ZDHHC6: variants seen among roughly 807,000 people sequenced by gnomAD.
ZDHHC6 encodes palmitoyltransferase ZDHHC6.
Under a neutral mutation model 57.8 loss-of-function variants are expected in ZDHHC6, and 32 were observed. The observed-to-expected ratio is 0.55, with a 90% confidence interval of 0.42 to 0.74. ZDHHC6 has a LOEUF of 0.74. Ranked by LOEUF, ZDHHC6 falls within the 30% of genes least tolerant of loss-of-function variation. The pLI is 0.00. For synonymous variants in ZDHHC6, 128 were observed against 158.0 expected (o/e 0.81, Z 1.42); for missense variants, 433 against 500.7 (o/e 0.86, Z 1.29).
chr10:112,440,178 GA>G (rs1845973260), intron 5 of ZDHHC6, among the ~76,000 whole-genome samples: 1 of 151,442 alleles, frequency 6.6e-6, no homozygotes, highest in Non-Finnish European at 1.5e-5. Flanking sequence ...TAACCTTTTT[GA>G]GAATCAATGA....
chr10:112,427,465 C>T (rs937462409), downstream of ZDHHC6: 4 of 1,069,266 alleles, frequency 3.7e-6, no homozygotes, highest in South Asian at 2.0e-5. Flanking sequence ...TTTTTTTAAC[C>T]TGTTAAACTC....
intron 10 of ZDHHC6, among the ~76,000 whole-genome samples, chr10:112,431,248 TC>T (rs1408155228): frequency 6.6e-6 from 1 of 152,184 alleles, no homozygotes; most frequent in African/African-American, 2.4e-5. Context: ...CACTGTCTTT[TC>T]CAGGGAACTA....
intron 2 of ZDHHC6, among the ~76,000 whole-genome samples, chr10:112,444,100 T>C (rs1384023623): frequency 3.9e-5 from 6 of 152,186 alleles, no homozygotes; most frequent in African/African-American, 1.4e-4. Flanking sequence ...ATTCCTATAA[T>C]ACACCTCTGA....
chr10:112,429,708 A>T (rs1339206273), downstream of ZDHHC6, among the ~76,000 whole-genome samples: 1 of 152,206 alleles, frequency 6.6e-6, no homozygotes, highest in Non-Finnish European at 1.5e-5. Context: ...TTTTTACTCA[A>T]GGGTACATGA....
At chr10:112,425,658 A>C (rs760059329), downstream of ZDHHC6, 94 of 558,428 alleles carry the variant, frequency 1.7e-4, no homozygotes, top group Non-Finnish European at 2.5e-4. Flanking sequence ...CAATTTAAAA[A>C]ATTTCAAAAC....
upstream of ZDHHC6, chr10:112,447,170 T>C (rs563250452): frequency 3.7e-6 from 2 of 541,320 alleles, no homozygotes; most frequent in East Asian, 2.8e-5. Flanking sequence ...GAGCGGAAAA[T>C]AAAGCACGCA....
upstream of ZDHHC6, chr10:112,447,073 C>A: frequency 2.5e-6 from 1 of 399,588 alleles, no homozygotes; most frequent in East Asian, 3.8e-5. Context: ...AATGATCCCT[C>A]AGAACTTGCA....
chr10:112,428,382 G>A (rs1269788537), downstream of ZDHHC6: 15 of 398,416 alleles, frequency 3.8e-5, no homozygotes, highest in East Asian at 2.5e-4. Context: ...AGATACTTAC[G>A]TTGTGGTGTT....
chr10:112,444,554 T>A (rs910058013), intron 2 of ZDHHC6, among the ~76,000 whole-genome samples: 2 of 152,208 alleles, frequency 1.3e-5, no homozygotes, highest in Admixed American at 1.3e-4. Context: ...TACCTAAGCA[T>A]CACCTGGGCA....
chr10:112,441,717 A>G (rs971435989), intron 4 of ZDHHC6, among the ~76,000 whole-genome samples: 3 of 152,154 alleles, frequency 2.0e-5, no homozygotes, highest in Admixed American at 6.5e-5. Context: ...ACTTTATCTC[A>G]TGACTACTTG....
downstream of ZDHHC6, among the ~76,000 whole-genome samples, chr10:112,426,003 G>C (rs1358038120): frequency 6.6e-6 from 1 of 152,174 alleles, no homozygotes; most frequent in East Asian, 1.9e-4. Flanking sequence ...ACATGGACAA[G>C]CCAGAGGCGC....
intron 2 of ZDHHC6, among the ~76,000 whole-genome samples, chr10:112,444,717 G>A (rs1352855375): frequency 6.6e-6 from 1 of 152,092 alleles, no homozygotes; most frequent in Non-Finnish European, 1.5e-5. Context: ...AAATGGATTT[G>A]GACTATACTT....
rs760826795 is a variant in ZDHHC6, at chr10:112,434,454, C to T, written c.746G>A (p.Arg249Gln). ...ESWIEEKAKDRIQYYQLDEVF... is the reference protein window; with the variant it reads ...ESWIEEKAKDQIQYYQLDEVF... Reference sequence around the variant, plus strand: ...TTCATCTAGTTGATAATACTGAATTCGATCTTTAGCCTGTGGGTAACAAAG... The same window carrying T: ...TTCATCTAGTTGATAATACTGAATTTGATCTTTAGCCTGTGGGTAACAAAG... Residue 249 changes from arginine to glutamine, a missense_variant, in exon 7 of 11, where the codon CGA (arginine) becomes CAA (glutamine). By Grantham distance (43) the Arg-to-Gln change is conservative (BLOSUM62 1). Transcript: ENST00000369405. 5.6e-6 allele frequency: 9 copies of T among 1,611,552 alleles called. No individual in the cohort carries two copies. The highest frequency in any genetic ancestry group is 4.5e-5 in the East Asian group (2 of 44,798).
intron 10 of ZDHHC6, 45 bp from the exon 11 acceptor site, chr10:112,430,952 C>T: frequency 1.3e-6 from 2 of 1,507,252 alleles, no homozygotes; most frequent in East Asian, 2.3e-5. Flanking sequence ...TGATGGATGA[C>T]AGTGACATTA....
In ZDHHC6 at chr10:112,445,485, T is replaced by G. The variant is rs201760119; in HGVS notation, c.-49A>C. Reference sequence around the variant, plus strand: ...TACTTTAAAAGAATTATAGATTTCCTTTTTCTGTGCGCACATTTCCATGTG... The same window carrying G: ...TACTTTAAAAGAATTATAGATTTCCGTTTTCTGTGCGCACATTTCCATGTG... On this transcript the variant is annotated 5_prime_UTR_variant, in exon 2 of 11. Coordinates refer to ENST00000369405, the MANE Select transcript of ZDHHC6 (RefSeq NM_022494.3). The G allele has an allele frequency of 3.0e-5, 48 of 1,583,950 alleles. No individual in the cohort carries two copies. The East Asian group carries it at 1.0e-3, about 33-fold the overall frequency.
At chr10:112,428,122 G>A, downstream of ZDHHC6, 3 of 276,206 alleles carry the variant, frequency 1.1e-5, no homozygotes, top group Non-Finnish European at 1.3e-5. Context: ...GCTGGAAGCT[G>A]TGGGGGAAGG....
In ZDHHC6 at chr10:112,440,578, C is replaced by T. The variant is rs768360046; in HGVS notation, c.637G>A (p.Ala213Thr). 2 of 1,614,040 alleles carry T rather than the reference C, an allele frequency of 1.2e-6. No individual in the cohort carries two copies. The highest frequency in any genetic ancestry group is 2.2e-5 in the South Asian group (2 of 91,080). Reference sequence around the variant, plus strand: ...CCAACAGCTATGGTTGTTCCTAAAGCTAATCCCAAGGCAAACAAGGTGGTA... The same window carrying T: ...CCAACAGCTATGGTTGTTCCTAAAGTTAATCCCAAGGCAAACAAGGTGGTA... ...FATTLFALGL[A>T]LGTTIAVGML... The change falls in exon 5 of 11, where the codon GCT (alanine) becomes ACT (threonine). Residue 213 changes from alanine to threonine, a missense_variant. Ala to Thr is a moderately conservative substitution (Grantham distance 58). Coordinates refer to ENST00000369405, the MANE Select transcript of ZDHHC6 (RefSeq NM_022494.3).
At position 112,443,443 on chromosome 10, in the gene ZDHHC6, T is replaced by C. The variant is rs2133928832; in HGVS notation, c.359+72A>G. On this transcript the variant is annotated intron_variant, in intron 3 of 10. Coordinates refer to ENST00000369405, the MANE Select transcript of ZDHHC6 (RefSeq NM_022494.3). ...GCAGTGAATAGAAGTAGCACTAATGTAGTATAAGCAACAATGAAAACATCA... is the reference window on the plus strand; with the variant it reads ...GCAGTGAATAGAAGTAGCACTAATGCAGTATAAGCAACAATGAAAACATCA... The C allele has an allele frequency of 1.9e-5, 25 of 1,289,848 alleles. No homozygotes were observed. The South Asian group carries it at 2.3e-4, about 12-fold the overall frequency. 79.9% of individuals were successfully genotyped at this position (1,289,848 alleles called of 1,614,324 possible). A position where few individuals can be genotyped will look rare whatever the true frequency, so the allele number is the denominator to read the frequency against.
chr10:112,436,438 T>C (rs1845539067), intron 6 of ZDHHC6, among the ~76,000 whole-genome samples: 3 of 152,214 alleles, frequency 2.0e-5, no homozygotes, highest in Admixed American at 2.0e-4. Flanking sequence ...ATTGTGCCAC[T>C]GCACTCCAGC....
Sources: allele counts gnomAD v4.1 joint callset (sites outside exome capture counted in the v4.1 genomes callset), GRCh38; gene constraint gnomAD v4.1.1; transcripts MANE v1.5; gene names NCBI Gene and HGNC (gene_info 2026-07-23, HGNC 2026-07-21).